RP1L1: variants seen among roughly 807,000 people sequenced by gnomAD.
The protein encoded by RP1L1 is retinitis pigmentosa 1-like 1 protein.
RP1L1 carries 27 observed loss-of-function variants against 15.7 expected under a neutral mutation model. That is an observed-to-expected ratio of 1.72 (90% CI 1.27 to 2.38). The LOEUF (loss-of-function observed/expected upper bound fraction) is 2.38. Ranked by LOEUF, RP1L1 falls within the 30% of genes most tolerant of loss-of-function variation. RP1L1 has a pLI of 0.00. For missense variants in RP1L1, 4,798 were observed against 3,075.9 expected, an observed-to-expected ratio of 1.56 and a Z score of -13.24; for synonymous variants, 1,813 against 1,276.7, an observed-to-expected ratio of 1.42 and a Z score of -8.96.
chr8:10,611,891 C>A lies in RP1L1; in HGVS notation c.2207G>T (p.Ser736Ile). 1 of 1,613,860 alleles carries A rather than the reference C, an allele frequency of 6.2e-7. No homozygotes were observed. The part of the protein sequence containing the change: ...SLPSQDLLGT[S>I]SATVTPAVHS... ...GACTGCAGGGGTGACAGTGGCACTG[C>A]TGGTTCCCAGAAGGTCCTGGGAAGG... The change falls in exon 4 of 4, where the codon AGC becomes ATC. Residue 736 changes from serine (S) to isoleucine (I), a missense_variant. Physicochemically the swap from Ser to Ile is moderately radical, Grantham distance 142 (BLOSUM62 -2). Coordinates refer to ENST00000382483, the MANE Select transcript of RP1L1 (RefSeq NM_178857.6).
chr8:10,626,835 C>T (rs780215545), intron 1 of RP1L1, among the ~76,000 whole-genome samples: 2 of 152,138 alleles, frequency 1.3e-5, no homozygotes, highest in African/African-American at 2.4e-5. Context: ...AGTGTGATTT[C>T]GATTGATTCT....
intron 3 of RP1L1, among the ~76,000 whole-genome samples, chr8:10,614,699 G>GGGAA (rs756157552): frequency 3.4e-5 from 5 of 146,598 alleles, no homozygotes; most frequent in Admixed American, 1.4e-4. Flanking sequence ...AAAGAAAGGA[G>GGGAA]GGAAGGAAGG....
At chr8:10,616,688 A>C (rs2117213676) in intron 2 of RP1L1, 101 bp from the exon 3 acceptor site, 1 of 1,313,710 alleles carries the variant, frequency 7.6e-7, no homozygotes, top group Admixed American at 2.5e-5. Flanking sequence ...CCCTGTCCTG[A>C]TTTCTGCACA....
chr8:10,624,519 A>G (rs1432202507), intron 1 of RP1L1, among the ~76,000 whole-genome samples: 1 of 152,218 alleles, frequency 6.6e-6, no homozygotes, highest in African/African-American at 2.4e-5. Flanking sequence ...CAACTTAGGG[A>G]TTAGCCTCTC....
intron 1 of RP1L1, among the ~76,000 whole-genome samples, chr8:10,648,113 C>A (rs990466728): frequency 6.6e-6 from 1 of 152,026 alleles, no homozygotes; most frequent in Admixed American, 6.5e-5. Context: ...CTCACTGCAA[C>A]CTCCACCTCT....
intron 2 of RP1L1, among the ~76,000 whole-genome samples, chr8:10,622,051 G>T (rs530837891): frequency 3.3e-5 from 5 of 152,160 alleles, no homozygotes; most frequent in African/African-American, 1.2e-4. Context: ...GCTGGGCATG[G>T]TGGCTCATGC....
intron 2 of RP1L1, among the ~76,000 whole-genome samples, chr8:10,619,017 C>T (rs773486134): frequency 3.3e-5 from 5 of 152,134 alleles, no homozygotes; most frequent in South Asian, 4.1e-4. Context: ...ACTACAGGCA[C>T]GCACCACCAT....
intron 1 of RP1L1, among the ~76,000 whole-genome samples, chr8:10,641,019 C>T (rs1199303190): frequency 6.6e-6 from 1 of 152,180 alleles, no homozygotes; most frequent in Non-Finnish European, 1.5e-5. Flanking sequence ...AATCCTCTCG[C>T]CTCAGCCTCC....
In RP1L1 at chr8:10,613,008, G is replaced by C. The variant is rs372699223; in HGVS notation, c.1090C>G (p.Pro364Ala). 370 of 1,613,314 alleles carry C rather than the reference G, an allele frequency of 2.3e-4. No homozygotes were observed. The highest frequency in any genetic ancestry group is 2.9e-4 in the Non-Finnish European group (337 of 1,179,984). Reference protein sequence around the residue: ...GEDPVLGEVDPLCCVWEGYPW... With the variant: ...GEDPVLGEVDALCCVWEGYPW... ...TAGCCCTCCCACACACAGCAGAGGG[G>C]GTCTACCTCCCCCAGAACGGGGTCT... is the stretch of plus-strand genomic sequence containing the variant. The change falls in exon 4 of 4, where the codon CCC becomes GCC. Residue 364 changes from proline to alanine, a missense_variant. Coordinates refer to ENST00000382483, the MANE Select transcript of RP1L1 (RefSeq NM_178857.6).
At chr8:10,622,411 A>G (rs1473093617) in intron 2 of RP1L1, among the ~76,000 whole-genome samples, 182 bp downstream of exon 2, 1 of 151,924 alleles carries the variant, frequency 6.6e-6, no homozygotes, top group African/African-American at 2.4e-5. Context: ...ACCTAAAAAC[A>G]TGAATCACAG....
chr8:10,628,818 A>G (rs1375653934), intron 1 of RP1L1, among the ~76,000 whole-genome samples: 1 of 152,216 alleles, frequency 6.6e-6, no homozygotes, highest in Non-Finnish European at 1.5e-5. Flanking sequence ...GTCAAAAAAC[A>G]AAACAAAAAC....
rs765247276 is a variant in RP1L1 at position 10,612,945 on chromosome 8, G to A, written c.1153C>T (p.Arg385Trp). Residue 385 changes from arginine to tryptophan, a missense_variant, in exon 4 of 4, where the codon CGG becomes TGG. Arg to Trp is a moderately radical substitution (Grantham distance 101). Transcript: ENST00000382483. ...TCCCTGCATCCCACCCTGCAGGGCC[G>A]GGGTCCCCACACCCCAGGCTCTGAG... ...GFSEPGVWGP[R>W]PCRVGCREVF... 21 of 1,612,920 alleles carry A rather than the reference G, an allele frequency of 1.3e-5. No homozygotes were observed. The highest frequency in any genetic ancestry group is 1.6e-4 in the Middle Eastern group (1 of 6,084).
chr8:10,651,966 C>G (rs946731532), intron 1 of RP1L1, among the ~76,000 whole-genome samples: 7 of 152,134 alleles, frequency 4.6e-5, no homozygotes, highest in Non-Finnish European at 1.0e-4. Context: ...TGTACTGTTT[C>G]TTTTCCATGT....
intron 1 of RP1L1, among the ~76,000 whole-genome samples, chr8:10,648,741 G>C (rs1798516848): frequency 1.3e-5 from 2 of 152,244 alleles, no homozygotes; most frequent in Admixed American, 1.3e-4. Context: ...TTAAGACCCT[G>C]ACAGAGAACT....
intron 1 of RP1L1, among the ~76,000 whole-genome samples, chr8:10,636,721 G>A (rs985265613): frequency 1.3e-5 from 2 of 152,350 alleles, no homozygotes; most frequent in Admixed American, 6.5e-5. Context: ...GGAGGGCAGC[G>A]GTCAAGCAAT....
At position 10,608,481 on chromosome 8, in the gene RP1L1, C is replaced by G. The variant is rs374978529; in HGVS notation, c.5617G>C (p.Asp1873His). The part of the protein sequence containing the change: ...AEGEAQPESE[D>H]VEAPEAEGEA... ...CCTTCTGCCTCTGGGGCCTCTACAT[C>G]TTCTGACTCTGGCTGGGCCTCCCCT... Residue 1873 changes from aspartate (D) to histidine (H), a missense_variant, in exon 4 of 4, where the codon GAT becomes CAT. By Grantham distance (81) the Asp-to-His change is moderately conservative (BLOSUM62 -1). Coordinates refer to ENST00000382483, the MANE Select transcript of RP1L1 (RefSeq NM_178857.6). The G allele has an allele frequency of 6.3e-7, 1 of 1,596,912 alleles. No homozygotes were observed. The highest frequency in any genetic ancestry group is 8.5e-7 in the Non-Finnish European group (1 of 1,170,260).
chr8:10,612,676 C>G lies in RP1L1; in HGVS notation c.1422G>C (p.Arg474Ser). The change falls in exon 4 of 4, where the codon AGG becomes AGC. Residue 474 changes from arginine to serine, a missense_variant. By Grantham distance (110) the Arg-to-Ser change is moderately radical. Coordinates refer to ENST00000382483, the MANE Select transcript of RP1L1 (RefSeq NM_178857.6). ...CACTGTCCACCCCGTCCTCCGGGGT[C>G]CTGGGGCAGCAGGAGGACTCTGGCT... ...GSEPESSCCP[R>S]TPEDGVDSAS... 1 of 1,602,588 alleles carries G rather than the reference C, an allele frequency of 6.2e-7. No individual in the cohort carries two copies. The highest frequency in any genetic ancestry group is 1.1e-5 in the South Asian group (1 of 90,974).
In RP1L1 at chr8:10,623,211, G is replaced by C. The variant is rs537133524; in HGVS notation, c.-10C>G. Reference sequence around the variant, plus strand: ...TGGGGGTGCTGTTCATGGTGTGGGGGCTCTGGCCGCTGTAACAGGGCAGAG... The same window carrying C: ...TGGGGGTGCTGTTCATGGTGTGGGGCCTCTGGCCGCTGTAACAGGGCAGAG... On this transcript the variant is annotated 5_prime_UTR_variant, in exon 2 of 4. Coordinates refer to ENST00000382483, the MANE Select transcript of RP1L1 (RefSeq NM_178857.6). 3 of 1,537,364 alleles carry C rather than the reference G, an allele frequency of 2.0e-6. No individual in the cohort carries two copies.
rs371254732 is a variant in RP1L1 at position 10,611,919 on chromosome 8, G to C, written c.2179C>G (p.Leu727Val). 10 of 1,613,916 alleles carry C rather than the reference G, an allele frequency of 6.2e-6. No individual in the cohort carries two copies. Among genetic ancestry groups the C allele is most frequent in the Admixed American group, 1.7e-5 (1 of 60,034 alleles). The change falls in exon 4 of 4, where the codon CTT (leucine) becomes GTT (valine). Residue 727 changes from leucine to valine, a missense_variant. Coordinates refer to ENST00000382483, the MANE Select transcript of RP1L1 (RefSeq NM_178857.6). Reference sequence around the variant, plus strand: ...GTTCCCAGAAGGTCCTGGGAAGGAAGAGAGCCCGAGGAGGGAGGTCTCAGG... The same window carrying C: ...GTTCCCAGAAGGTCCTGGGAAGGAACAGAGCCCGAGGAGGGAGGTCTCAGG... ...GNLRPPSSGSLPSQDLLGTSS... is the reference protein window; with the variant it reads ...GNLRPPSSGSVPSQDLLGTSS...
Sources: allele counts gnomAD v4.1 joint callset (sites outside exome capture counted in the v4.1 genomes callset), GRCh38; gene constraint gnomAD v4.1.1; transcripts MANE v1.5; gene names NCBI Gene and HGNC (gene_info 2026-07-23, HGNC 2026-07-21).